Variants in TBCE observed in about 807,000 individuals in gnomAD.
The protein encoded by TBCE is tubulin-specific chaperone E.
TBCE carries 53 observed loss-of-function variants against 77.0 expected under a neutral mutation model. The ratio of observed to expected loss-of-function variants is 0.69; its 90% CI spans 0.55 to 0.87. The LOEUF (loss-of-function observed/expected upper bound fraction) is 0.87. Among genes scored for constraint, TBCE ranks in the 40% least tolerant of loss-of-function variants. The pLI is 0.00. For synonymous variants in TBCE, 235 were observed against 241.3 expected (o/e 0.97, Z 0.24); for missense variants, 624 against 622.4 (o/e 1.00, Z -0.03).
chr1:235,436,807 A>C (rs573578624), intron 11 of TBCE, among the ~76,000 whole-genome samples, 199 bp downstream of exon 11: 1 of 152,300 alleles, frequency 6.6e-6, no homozygotes, highest in East Asian at 1.9e-4. Context: ...TGGACTTCAC[A>C]CTTAAATGGC....
chr1:235,419,238 T>G, intron 4 of TBCE: 4 of 609,196 alleles, frequency 6.6e-6, no homozygotes, highest in Non-Finnish European at 2.8e-6. Flanking sequence ...CCTCTGGGAG[T>G]AGAGGGAGAA....
chr1:235,435,814 G>C lies in TBCE; in HGVS notation c.807G>C (p.Gln269His), dbSNP rs556066006. The change falls in exon 9 of 17, where the codon CAG becomes CAC. Residue 269 changes from glutamine (Q) to histidine (H), a missense_variant. Transcript: ENST00000642610. ...LSSNQLIDEN[Q>H]LYLIAHLPRL... ...CTAATCAATTAATTGATGAAAATCA[G>C]CTGTATCTGATAGCCCACCTGCCCA... 5 of 1,614,180 alleles carry C rather than the reference G, an allele frequency of 3.1e-6. No homozygotes were observed. The Admixed American group carries it at 6.7e-5, about 22-fold the overall frequency.
At chr1:235,437,283 C>T (rs1214179092) in intron 11 of TBCE, 39 bp from the exon 12 acceptor site, 4 of 1,613,498 alleles carry the variant, frequency 2.5e-6, no homozygotes, top group Admixed American at 1.7e-5. Context: ...GTGGCATGAA[C>T]GTACCGCTTT....
At chr1:235,421,813 T>C (rs180884492) in intron 5 of TBCE, among the ~76,000 whole-genome samples, 54 of 152,344 alleles carry the variant, frequency 3.5e-4, no homozygotes, top group African/African-American at 9.9e-4. Context: ...ATAATAACTT[T>C]TGCAAAAAAT....
chr1:235,398,791 G>T (rs1311920479), intron 2 of TBCE, among the ~76,000 whole-genome samples: 2 of 141,398 alleles, frequency 1.4e-5, no homozygotes, highest in Non-Finnish European at 3.1e-5. Context: ...TAAGGCAAAA[G>T]AATCGCTTGA....
At chr1:235,414,703 C>G in intron 4 of TBCE, 85 bp downstream of exon 4, 1 of 1,360,328 alleles carries the variant, frequency 7.4e-7, no homozygotes, top group Non-Finnish European at 1.0e-6. Flanking sequence ...TATATGGATG[C>G]TCATGACTTT....
intron 3 of TBCE, among the ~76,000 whole-genome samples, chr1:235,401,828 T>C (rs78446782): frequency 6.8e-5 from 2 of 29,396 alleles, no homozygotes; most frequent in African/African-American, 2.5e-4. Context: ...TCTTCGTCCT[T>C]TTTTTTTTTT....
At chr1:235,367,877 T>C (rs567623462) in intron 1 of TBCE, among the ~76,000 whole-genome samples, 1 of 152,288 alleles carries the variant, frequency 6.6e-6, no homozygotes, top group African/African-American at 2.4e-5. Context: ...GAAATAACGT[T>C]AAATAGGTGG....
chr1:235,450,016 G>T lies in TBCE; in HGVS notation c.*1254G>T. On this transcript the variant is annotated 3_prime_UTR_variant, in exon 17 of 17. Transcript: ENST00000642610. The stretch of plus-strand genomic sequence containing the variant: ...AAATAAAAACTTTTCTTATGCTACA[G>T]TACAAGTTGATTTTTAAGGAAATTT... 1 of 576,398 alleles carries T rather than the reference G, an allele frequency of 1.7e-6. No individual in the cohort carries two copies. The highest frequency in any genetic ancestry group is 2.9e-6 in the Non-Finnish European group (1 of 345,584). 35.7% of individuals were successfully genotyped at this position (576,398 alleles called of 1,614,324 possible).
intron 3 of TBCE, among the ~76,000 whole-genome samples, chr1:235,407,462 G>C (rs909679022): frequency 2.0e-5 from 3 of 152,286 alleles, no homozygotes; most frequent in African/African-American, 7.2e-5. Context: ...AAGTTTTGGA[G>C]AGCTGGCTAG....
chr1:235,425,354 C>T (rs1031958157), intron 5 of TBCE, among the ~76,000 whole-genome samples: 1 of 152,152 alleles, frequency 6.6e-6, no homozygotes, highest in South Asian at 2.1e-4. Flanking sequence ...CAGAGTCAGA[C>T]GCCCCCTCTG....
intron 3 of TBCE, among the ~76,000 whole-genome samples, chr1:235,409,774 A>C (rs1679665065): frequency 6.9e-6 from 1 of 144,928 alleles, no homozygotes; most frequent in Non-Finnish European, 1.5e-5. Context: ...CATGCCTGTA[A>C]TCCCAGCACT....
Position 235,448,417 on chromosome 1 carries a change from C to G in TBCE, c.1468C>G (p.Leu490Val), listed in dbSNP as rs1209192659. 1.5e-5 allele frequency: 24 copies of G among 1,613,940 alleles called. No homozygotes were observed. The Admixed American group carries it at 4.0e-4, about 27-fold the overall frequency. Reference sequence around the variant, plus strand: ...TCTCAAAGTTCCTGTGTCAGACCTTCTGTTGTCCTATGAAAGTCCCAAAGT... The same window carrying G: ...TCTCAAAGTTCCTGTGTCAGACCTTGTGTTGTCCTATGAAAGTCCCAAAGT... ...RLLKVPVSDL[L>V]LSYESPKKPG... Residue 490 changes from leucine to valine, a missense_variant, in exon 16 of 17, where the codon CTG (leucine) becomes GTG (valine). By Grantham distance (32) the Leu-to-Val change is conservative. Coordinates refer to ENST00000642610, the MANE Select transcript of TBCE (RefSeq NM_003193.5).
chr1:235,368,403 A>G (rs1361991947), intron 1 of TBCE, among the ~76,000 whole-genome samples: 1 of 150,380 alleles, frequency 6.6e-6, no homozygotes, highest in Non-Finnish European at 1.5e-5. Context: ...TTTCTCTGGC[A>G]TTAATTTAGC....
At chr1:235,397,915 A>G (rs1193630745) in intron 2 of TBCE, among the ~76,000 whole-genome samples, 1 of 152,110 alleles carries the variant, frequency 6.6e-6, no homozygotes, top group Non-Finnish European at 1.5e-5. Context: ...TCTATCATTA[A>G]TGTACTGGCC....
chr1:235,418,742 A>G (rs1256142135), intron 4 of TBCE, among the ~76,000 whole-genome samples: 1 of 152,234 alleles, frequency 6.6e-6, no homozygotes, highest in Non-Finnish European at 1.5e-5. Flanking sequence ...TCACCACTGA[A>G]CAATAGACTG....
intron 2 of TBCE, among the ~76,000 whole-genome samples, chr1:235,396,530 T>C (rs1224201688): frequency 6.6e-6 from 1 of 152,226 alleles, no homozygotes; most frequent in Non-Finnish European, 1.5e-5. Context: ...CTGGAACATA[T>C]GGCAGTTCTA....
intron 2 of TBCE, among the ~76,000 whole-genome samples, chr1:235,385,889 G>T (rs1677969883): frequency 6.6e-6 from 1 of 152,164 alleles, no homozygotes; most frequent in Admixed American, 6.6e-5. Context: ...TTGCTCGTTA[G>T]TTGATGCAGT....
At chr1:235,447,285 T>TTTGA (rs1371779095) in intron 15 of TBCE, among the ~76,000 whole-genome samples, 8 of 152,218 alleles carry the variant, frequency 5.3e-5, no homozygotes, top group Admixed American at 6.5e-5. Context: ...AAAAATGATT[T>TTTGA]TTGATAGAAA....
Sources: gnomAD v4.1 joint callset for allele counts (sites outside exome capture counted in the v4.1 genomes callset) on GRCh38, gnomAD v4.1.1 for gene constraint, MANE v1.5 for transcripts, NCBI Gene and HGNC (gene_info 2026-07-23, HGNC 2026-07-21) for gene names.